Variants in CPEB3 observed in about 807,000 individuals in gnomAD.
The protein encoded by CPEB3 is cytoplasmic polyadenylation element-binding protein 3.
CPEB3 carries 20 observed loss-of-function variants against 67.2 expected under a neutral mutation model. That is an observed-to-expected ratio of 0.30 (90% confidence interval 0.21 to 0.43). The LOEUF is 0.43. CPEB3 is among the 20% of genes least tolerant of loss of function. The pLI, the probability that CPEB3 is intolerant of heterozygous loss-of-function variation, is 1.00. For synonymous variants in CPEB3, 376 were observed against 393.1 expected (o/e 0.96, Z 0.51); for missense variants, 746 against 968.6 (o/e 0.77, Z 3.05).
intron 5 of CPEB3, 33 bp from the exon 6 acceptor site, chr10:92,143,151 GA>G: frequency 1.3e-6 from 2 of 1,525,098 alleles, no homozygotes; most frequent in Non-Finnish European, 9.0e-7. Flanking sequence ...TAGCAAAAGA[GA>G]AAAAAATATT....
intron 5 of CPEB3, among the ~76,000 whole-genome samples, 154 bp downstream of exon 5, chr10:92,144,791 A>G (rs1846600822): frequency 6.6e-6 from 1 of 152,232 alleles, no homozygotes; most frequent in Admixed American, 6.5e-5. Flanking sequence ...ACTTAGTACA[A>G]TAATAGACTA....
chr10:92,060,259 T>A (rs1286114968), intron 9 of CPEB3, among the ~76,000 whole-genome samples: 1 of 151,270 alleles, frequency 6.6e-6, no homozygotes, highest in African/African-American at 2.4e-5. Context: ...CTTGGGAGAC[T>A]GAGGCATGAG....
intron 4 of CPEB3, among the ~76,000 whole-genome samples, chr10:92,167,620 C>T (rs1159489539): frequency 6.6e-6 from 1 of 152,018 alleles, no homozygotes; most frequent in East Asian, 1.9e-4. Flanking sequence ...ACAATAGTTA[C>T]ATCAAGGTGG....
chr10:92,049,031 A>C lies in CPEB3; in HGVS notation c.*3181T>G, dbSNP rs961313059. The C allele has an allele frequency of 6.6e-6, 1 of 152,618 alleles. No individual in the cohort carries two copies. The highest frequency in any genetic ancestry group is 1.5e-5 in the Non-Finnish European group (1 of 68,030). 9.5% of individuals were successfully genotyped at this position (152,618 alleles called of 1,614,324 possible). On this transcript the variant is annotated 3_prime_UTR_variant, in exon 10 of 10. Coordinates refer to ENST00000265997, the MANE Select transcript of CPEB3 (RefSeq NM_014912.5). ...AAATATGTTTAATTTTTTTCTTAGCAAAAAATCTTTCTAAAAATAACAATG... is the reference window on the plus strand; with the variant it reads ...AAATATGTTTAATTTTTTTCTTAGCCAAAAATCTTTCTAAAAATAACAATG...
At chr10:92,128,252 C>T (rs1252048239) in intron 6 of CPEB3, among the ~76,000 whole-genome samples, 1 of 152,164 alleles carries the variant, frequency 6.6e-6, no homozygotes, top group East Asian at 1.9e-4. Context: ...TTTGGCTTCC[C>T]TGGGCCACAC....
intron 2 of CPEB3, among the ~76,000 whole-genome samples, chr10:92,232,003 A>T (rs1312876808): frequency 6.6e-6 from 1 of 150,398 alleles, no homozygotes; most frequent in Admixed American, 6.7e-5. Flanking sequence ...TATAGGTGTG[A>T]GCCACCACTC....
At chr10:92,245,341 G>C (rs971878973) in intron 1 of CPEB3, among the ~76,000 whole-genome samples, 7 of 151,740 alleles carry the variant, frequency 4.6e-5, no homozygotes, top group African/African-American at 1.7e-4. Flanking sequence ...TTTCACAACA[G>C]TGGTCAGGCT....
chr10:92,191,380 AAAAAAAT>A (rs1848974817), intron 3 of CPEB3, among the ~76,000 whole-genome samples: 1 of 151,164 alleles, frequency 6.6e-6, no homozygotes, highest in Non-Finnish European at 1.5e-5. Flanking sequence ...CCACTGTCTC[AAAAAAAT>A]AAAAAATAAA....
chr10:92,215,942 G>A lies in CPEB3; in HGVS notation c.1006-23306C>T, dbSNP rs543223526. 2.7e-5 allele frequency among the ~76,000 whole-genome samples: 4 copies of A among 147,390 alleles called. No homozygotes were observed. In the East Asian group the frequency reaches 8.3e-4, roughly 30 times the overall value. ...TTTTTGTATTTTTAGCAGAGACAGG[G>A]TTTCACCATGTTGGCCAGGATGGTC... is the stretch of plus-strand genomic sequence containing the variant. On this transcript the variant is annotated intron_variant, in intron 2 of 9. Transcript: ENST00000265997.
At chr10:92,137,170 G>A (rs1846141501) in intron 6 of CPEB3, 2 of 376,940 alleles carry the variant, frequency 5.3e-6, no homozygotes, top group Non-Finnish European at 1.0e-5. Flanking sequence ...CTTGGTCCCA[G>A]CATCCACTTG....
intron 2 of CPEB3, among the ~76,000 whole-genome samples, chr10:92,209,082 T>C (rs1280587589): frequency 6.6e-6 from 1 of 152,170 alleles, no homozygotes; most frequent in East Asian, 1.9e-4. Flanking sequence ...CCAGTAAACA[T>C]GTTGAACAAG....
chr10:92,222,368 T>A (rs1253037644), intron 2 of CPEB3, among the ~76,000 whole-genome samples: 1 of 152,116 alleles, frequency 6.6e-6, no homozygotes, highest in African/African-American at 2.4e-5. Flanking sequence ...ATTATTGTAA[T>A]TATGTGACTT....
chr10:92,252,348 G>A (rs553679930), intron 1 of CPEB3, among the ~76,000 whole-genome samples: 7 of 151,872 alleles, frequency 4.6e-5, no homozygotes, highest in African/African-American at 1.5e-4. Context: ...AGTATAGTTC[G>A]GTATAACTAT....
chr10:92,152,468 T>C (rs1847008399), intron 4 of CPEB3, among the ~76,000 whole-genome samples: 2 of 152,264 alleles, frequency 1.3e-5, no homozygotes, highest in Admixed American at 6.5e-5. Flanking sequence ...ATCTGTACTT[T>C]GCTTCAAGCC....
chr10:92,181,077 A>G (rs1210433613), intron 3 of CPEB3, 58 bp from the exon 4 acceptor site: 7 of 882,794 alleles, frequency 7.9e-6, no homozygotes, highest in East Asian at 7.7e-5. Flanking sequence ...TTTCAAACAC[A>G]TCTTAAAATA....
At chr10:92,072,177 A>G (rs1842776519) in intron 9 of CPEB3, among the ~76,000 whole-genome samples, 3 of 152,196 alleles carry the variant, frequency 2.0e-5, no homozygotes, top group Non-Finnish European at 4.4e-5. Context: ...AAATGAAAAA[A>G]CATACCCAGT....
At chr10:92,279,878 C>T (rs1044429072) in intron 1 of CPEB3, among the ~76,000 whole-genome samples, 8 of 152,100 alleles carry the variant, frequency 5.3e-5, no homozygotes, top group Middle Eastern at 3.4e-3. Context: ...GGCATGGTGG[C>T]GCGTGCCTGT....
chr10:92,173,292 C>T (rs1848087749), intron 4 of CPEB3, among the ~76,000 whole-genome samples: 1 of 152,122 alleles, frequency 6.6e-6, no homozygotes, highest in African/African-American at 2.4e-5. Context: ...CTGCATCTTC[C>T]TTATTTGGTT....
At chr10:92,250,801 T>C (rs1197698366) in intron 1 of CPEB3, among the ~76,000 whole-genome samples, 1 of 151,418 alleles carries the variant, frequency 6.6e-6, no homozygotes. Context: ...GCAATTCTCA[T>C]GGCTTAGCAT....
Sources: gnomAD v4.1 joint callset for allele counts (sites outside exome capture counted in the v4.1 genomes callset) on GRCh38, gnomAD v4.1.1 for gene constraint, MANE v1.5 for transcripts, NCBI Gene and HGNC (gene_info 2026-07-23, HGNC 2026-07-21) for gene names.